USP44: variants seen among roughly 807,000 people sequenced by gnomAD.
The protein encoded by USP44 is ubiquitin specific peptidase 44, also known as ubiquitin carboxyl-terminal hydrolase 44.
In USP44, 61 loss-of-function variants were observed where a neutral mutation model predicts 69.0. The ratio of observed to expected loss-of-function variants is 0.88; its 90% CI spans 0.72 to 1.09. The LOEUF is 1.09. USP44 is among the 50% of genes least tolerant of loss of function. The probability of loss-of-function intolerance (pLI) is 0.00; values close to 1 mark genes in which losing one functional copy is unlikely to be tolerated. For missense variants in USP44, 753 were observed against 849.9 expected, an observed-to-expected ratio of 0.89 and a Z score of 1.42; for synonymous variants, 297 against 295.4, an observed-to-expected ratio of 1.01 and a Z score of -0.06.
At chr12:95,544,812 C>T (rs2077520345) in intron 1 of USP44, among the ~76,000 whole-genome samples, 2 of 152,140 alleles carry the variant, frequency 1.3e-5, no homozygotes, top group Non-Finnish European at 1.5e-5. Flanking sequence ...AGCTTCCCCC[C>T]GCCATAGCTC....
rs1393653590 is a variant in USP44 at position 95,533,126 on chromosome 12, C to A, written c.1131G>T (p.Gln377His). The A allele has an allele frequency of 3.7e-6, 6 of 1,614,106 alleles. No homozygotes were observed. Among genetic ancestry groups the A allele is most frequent in the Non-Finnish European group, 4.2e-6 (5 of 1,180,058 alleles). The change falls in exon 2 of 6, where the codon CAG becomes CAT. Residue 377 changes from glutamine to histidine, a missense_variant. By Grantham distance (24) the Gln-to-His change is conservative. Coordinates refer to ENST00000258499, the MANE Select transcript of USP44 (RefSeq NM_032147.5). Reference protein sequence around the residue: ...ELIQPKEPTSQYISLCHELHT... With the variant: ...ELIQPKEPTSHYISLCHELHT... ...GCAATTCATGACAAAGAGAAATGTA[C>A]TGTGAAGTTGGCTCCTTTGGCTGAA...
intron 1 of USP44, among the ~76,000 whole-genome samples, chr12:95,540,366 A>C (rs1467520832): frequency 4.8e-5 from 6 of 123,962 alleles, no homozygotes; most frequent in Admixed American, 2.5e-4. Context: ...TTTTTGAGTG[A>C]AGTTTCAGTG....
chr12:95,530,030 C>T (rs973169140), intron 2 of USP44, among the ~76,000 whole-genome samples: 1 of 152,148 alleles, frequency 6.6e-6, no homozygotes, highest in Non-Finnish European at 1.5e-5. Flanking sequence ...TTCAGTGAAA[C>T]ATTCAGCAGG....
intron 1 of USP44, among the ~76,000 whole-genome samples, chr12:95,538,654 T>C (rs1414919703): frequency 6.6e-6 from 1 of 152,148 alleles, no homozygotes; most frequent in Non-Finnish European, 1.5e-5. Context: ...ACTTACCCTG[T>C]CTACTTATGA....
chr12:95,542,804 C>A (rs913891145), intron 1 of USP44, among the ~76,000 whole-genome samples: 1 of 149,854 alleles, frequency 6.7e-6, no homozygotes. Context: ...AATAGTAAGT[C>A]CTTGGCTGGG....
intron 1 of USP44, among the ~76,000 whole-genome samples, chr12:95,536,926 G>GAATT (rs1397273782): frequency 1.1e-4 from 17 of 152,156 alleles, no homozygotes; most frequent in African/African-American, 4.1e-4. Flanking sequence ...GGGACTCAGA[G>GAATT]AATTACTTGC....
intron 1 of USP44, among the ~76,000 whole-genome samples, chr12:95,549,357 G>T (rs2077680741): frequency 6.6e-6 from 1 of 152,160 alleles, no homozygotes; most frequent in Non-Finnish European, 1.5e-5. Flanking sequence ...TTCCAGAACG[G>T]GCACAGGAAG....
chr12:95,543,162 A>C (rs1398081377), intron 1 of USP44, among the ~76,000 whole-genome samples: 1 of 151,738 alleles, frequency 6.6e-6, no homozygotes, highest in African/African-American at 2.4e-5. Flanking sequence ...GCACTTTGGG[A>C]GGCTGAGGCA....
At chr12:95,528,091 G>A (rs947214054) in intron 3 of USP44, among the ~76,000 whole-genome samples, 9 of 152,090 alleles carry the variant, frequency 5.9e-5, no homozygotes, top group African/African-American at 2.2e-4. Context: ...TGCCCACCTC[G>A]GCCTCCCAAC....
rs200911632 is a variant in USP44, at chr12:95,531,144, A to ACAGAGT, written c.1428+1679_1428+1684dup. On this transcript the variant is annotated intron_variant, in intron 2 of 5. Coordinates refer to ENST00000258499, the MANE Select transcript of USP44 (RefSeq NM_032147.5). ...GCGCCACTGCACTCCAGCCTGGGCA[A>ACAGAGT]CAGAGTGAGACTCTGTCTCAAAAAA... Among the ~76,000 whole-genome samples the ACAGAGT allele has an allele frequency of 9.3e-3, 1,409 of 152,278 alleles. 28 individuals are homozygous for ACAGAGT. The highest frequency in any genetic ancestry group is 0.032 in the African/African-American group (1,350 of 41,550).
At chr12:95,519,432 A>ACTTTTTTTTTTTTTTTTTTTTT (rs199606254) in intron 5 of USP44, among the ~76,000 whole-genome samples, 5 of 84,544 alleles carry the variant, frequency 5.9e-5, no homozygotes, top group Non-Finnish European at 2.2e-5. Context: ...CTCAATCTGT[A>ACTTTTTTTTTTTTTTTTTTTTT]TTTTTTTTTT....
chr12:95,520,561 C>G (rs2076628406), intron 5 of USP44, among the ~76,000 whole-genome samples: 1 of 152,122 alleles, frequency 6.6e-6, no homozygotes, highest in Admixed American at 6.5e-5. Context: ...TAGAACTAGA[C>G]TATCCTAGAA....
chr12:95,528,389 T>A (rs1390488280), intron 3 of USP44, among the ~76,000 whole-genome samples: 1 of 152,216 alleles, frequency 6.6e-6, no homozygotes, highest in Non-Finnish European at 1.5e-5. Context: ...GTCCTGCATA[T>A]ATTATTTCCT....
chr12:95,521,764 G>A (rs1369536397), intron 4 of USP44, among the ~76,000 whole-genome samples: 1 of 152,200 alleles, frequency 6.6e-6, no homozygotes, highest in Non-Finnish European at 1.5e-5. Context: ...TGGGATTACA[G>A]GTGTGAGCCA....
intron 1 of USP44, 111 bp from the exon 2 acceptor site, chr12:95,534,437 C>A (rs1453843938): frequency 1.0e-5 from 6 of 586,116 alleles, no homozygotes; most frequent in Non-Finnish European, 1.7e-5. Flanking sequence ...GGCTGCTTAT[C>A]ATAATACCAT....
intron 1 of USP44, among the ~76,000 whole-genome samples, chr12:95,544,319 T>C (rs575725736): frequency 2.0e-5 from 3 of 152,150 alleles, no homozygotes; most frequent in Non-Finnish European, 4.4e-5. Flanking sequence ...CCTCCCAAAG[T>C]GCTGGGAATA....
At chr12:95,529,921 T>C (rs2076967706) in intron 2 of USP44, among the ~76,000 whole-genome samples, 1 of 152,102 alleles carries the variant, frequency 6.6e-6, no homozygotes, top group Non-Finnish European at 1.5e-5. Context: ...AAACATAACA[T>C]TAAAATCCCC....
rs1306671682 is a variant in USP44, at chr12:95,533,741, T to G, written c.516A>C (p.Gly172=). Residue 172 remains glycine (G), a synonymous_variant, in exon 2 of 6, where the codon GGA becomes GGC. Transcript: ENST00000258499. ...FRTWFEQSPI[G]RKKQEEPFQE... The stretch of plus-strand genomic sequence containing the variant: ...GAAATGGTTCTTCTTGCTTTTTTCT[T>G]CCAATGGGTGATTGTTCAAACCATG... 6 of 1,614,200 alleles carry G rather than the reference T, an allele frequency of 3.7e-6. No homozygotes were observed. Among genetic ancestry groups the G allele is most frequent in the Non-Finnish European group, 5.1e-6 (6 of 1,180,040 alleles).
Position 95,518,076 on chromosome 12 carries a change from ATG to A in USP44, c.*76_*77del. The A allele has an allele frequency of 2.0e-6, 3 of 1,492,538 alleles. No individual in the cohort carries two copies. Among genetic ancestry groups the A allele is most frequent in the Non-Finnish European group, 2.7e-6 (3 of 1,093,888 alleles). The allele number at this position is 1,492,538 out of a possible 1,614,324, so 92.5% of individuals were successfully genotyped here. A position where few individuals can be genotyped will look rare whatever the true frequency, so the allele number is the denominator to read the frequency against. On this transcript the variant is annotated 3_prime_UTR_variant, in exon 6 of 6. Transcript: ENST00000258499. ...AGTATACACTGATTCACAAGAAAAAATGAAGTTTAAAATGGTACATCAGTCTT... is the reference window on the plus strand; with the variant it reads ...AGTATACACTGATTCACAAGAAAAAAAAGTTTAAAATGGTACATCAGTCTT...
Sources: gnomAD v4.1 joint callset for allele counts (sites outside exome capture counted in the v4.1 genomes callset) on GRCh38, gnomAD v4.1.1 for gene constraint, MANE v1.5 for transcripts, NCBI Gene and HGNC (gene_info 2026-07-23, HGNC 2026-07-21) for gene names.